The following CA10 variants were observed in gnomAD, a reference collection of about 807,000 sequenced individuals.
The protein encoded by CA10 is carbonic anhydrase 10 (inactive).
CA10 carries 14 observed loss-of-function variants against 44.2 expected under a neutral mutation model. The observed-to-expected ratio is 0.32, with a 90% CI of 0.21 to 0.50. The LOEUF (loss-of-function observed/expected upper bound fraction) is 0.50, where lower values mean the gene tolerates loss of function less well. CA10 is among the 20% of genes least tolerant of loss of function. The pLI is 0.99. For synonymous variants in CA10, 159 were observed against 141.6 expected (o/e 1.12, Z -0.87); for missense variants, 350 against 409.7 (o/e 0.85, Z 1.26).
At chr17:52,159,602 C>T (rs2143439004), upstream of CA10, 1 of 152,498 alleles carries the variant, frequency 6.6e-6, no homozygotes. Context: ...CCCCACCAAA[C>T]CCGCGCGCGC....
intron 3 of CA10, among the ~76,000 whole-genome samples, chr17:51,899,410 T>C (rs80158100): frequency 0.098 from 14,946 of 152,070 alleles, 921 homozygotes; most frequent in African/African-American, 0.18. Flanking sequence ...TGCACTGGGG[T>C]ATGAGAGTGT....
chr17:51,827,274 C>G (rs1908047270), intron 3 of CA10, among the ~76,000 whole-genome samples: 1 of 152,100 alleles, frequency 6.6e-6, no homozygotes, highest in African/African-American at 2.4e-5. Context: ...ATCTGCAGGA[C>G]TTCTCAGAGC....
intron 2 of CA10, among the ~76,000 whole-genome samples, chr17:52,021,495 C>G (rs1436525561): frequency 6.6e-6 from 1 of 151,866 alleles, no homozygotes; most frequent in African/African-American, 2.4e-5. Flanking sequence ...TTTTAATAGC[C>G]ATTCTGACTT....
chr17:52,028,695 C>G (rs1158440138), intron 2 of CA10, among the ~76,000 whole-genome samples: 1 of 152,166 alleles, frequency 6.6e-6, no homozygotes, highest in Non-Finnish European at 1.5e-5. Flanking sequence ...CCATACTCAG[C>G]TATGAGCCAG....
chr17:52,039,563 A>G (rs987547173), intron 2 of CA10, among the ~76,000 whole-genome samples: 1 of 152,104 alleles, frequency 6.6e-6, no homozygotes, highest in African/African-American at 2.4e-5. Context: ...TGGGTTTTAA[A>G]TTACCTTTAG....
In CA10 at chr17:51,791,434, T is replaced by A. The variant is rs114410081; in HGVS notation, c.280-43616A>T. Among the ~76,000 whole-genome samples, 368 of 152,332 alleles carry A rather than the reference T, an allele frequency of 2.4e-3. 2 individuals carry two copies. The highest frequency in any genetic ancestry group is 8.1e-3 in the African/African-American group (338 of 41,574). The stretch of plus-strand genomic sequence containing the variant: ...GGAATGCAGAGTGCCTGGTGCACAG[T>A]GGGTGTTCAACTAATGTTTGTTAAA... On this transcript the variant is annotated intron_variant, in intron 3 of 8. Coordinates refer to ENST00000451037, the MANE Select transcript of CA10 (RefSeq NM_020178.5).
chr17:52,047,656 GATAA>G (rs1268241543), intron 2 of CA10, among the ~76,000 whole-genome samples: 4 of 151,816 alleles, frequency 2.6e-5, no homozygotes, highest in South Asian at 2.1e-4. Flanking sequence ...ATCATCCAGA[GATAA>G]ATACTTATTT....
At chr17:51,672,801 A>G (rs990184949) in intron 4 of CA10, among the ~76,000 whole-genome samples, 5 of 152,196 alleles carry the variant, frequency 3.3e-5, no homozygotes, top group Admixed American at 6.5e-5. Context: ...TGAATTGAAC[A>G]TAAATGAATT....
chr17:51,632,608 G>A (rs900581468), intron 8 of CA10, among the ~76,000 whole-genome samples: 4 of 152,130 alleles, frequency 2.6e-5, no homozygotes, highest in Non-Finnish European at 5.9e-5. Context: ...AAACTGTGAA[G>A]TAGATGGCAT....
chr17:52,077,363 C>A (rs904553073), intron 1 of CA10, among the ~76,000 whole-genome samples: 1 of 152,044 alleles, frequency 6.6e-6, no homozygotes, highest in Non-Finnish European at 1.5e-5. Context: ...AAACAGAGGT[C>A]AGCAAATTTT....
intron 3 of CA10, among the ~76,000 whole-genome samples, chr17:51,897,509 G>C (rs1254238443): frequency 6.6e-6 from 1 of 152,100 alleles, no homozygotes; most frequent in Non-Finnish European, 1.5e-5. Context: ...AATGCCTGCA[G>C]CTTTGTTCTT....
chr17:51,890,109 A>G (rs1344175286), intron 3 of CA10, among the ~76,000 whole-genome samples: 1 of 152,216 alleles, frequency 6.6e-6, no homozygotes, highest in African/African-American at 2.4e-5. Flanking sequence ...CATTCCATTA[A>G]TGTGCCAATG....
chr17:52,044,590 C>T (rs1395899133), intron 2 of CA10, among the ~76,000 whole-genome samples: 1 of 152,070 alleles, frequency 6.6e-6, no homozygotes, highest in Non-Finnish European at 1.5e-5. Flanking sequence ...AGGTGTGAGC[C>T]ACAGCACCCA....
chr17:51,978,758 G>A (rs967006720), intron 2 of CA10, among the ~76,000 whole-genome samples: 2 of 151,940 alleles, frequency 1.3e-5, no homozygotes, highest in African/African-American at 4.8e-5. Flanking sequence ...GTTGCTCCAT[G>A]GTTGCCTGAA....
At chr17:51,672,977 C>T (rs1914481435) in intron 4 of CA10, among the ~76,000 whole-genome samples, 2 of 152,124 alleles carry the variant, frequency 1.3e-5, no homozygotes, top group Admixed American at 1.3e-4. Context: ...CAAGGCATGC[C>T]CAAGAAATGG....
intron 3 of CA10, among the ~76,000 whole-genome samples, chr17:51,815,782 A>AGTGTGT (rs149094529): frequency 1.3e-4 from 19 of 150,494 alleles, no homozygotes; most frequent in Admixed American, 2.0e-4. Flanking sequence ...GCAGGTACAC[A>AGTGTGT]GTGTGTGTGT....
intron 2 of CA10, among the ~76,000 whole-genome samples, chr17:52,063,647 C>A (rs1987453376): frequency 6.6e-6 from 1 of 152,166 alleles, no homozygotes; most frequent in African/African-American, 2.4e-5. Flanking sequence ...ACCATGTGAT[C>A]TTTGTACATG....
intron 3 of CA10, among the ~76,000 whole-genome samples, chr17:51,785,864 G>A (rs186281080): frequency 6.6e-6 from 1 of 152,184 alleles, no homozygotes; most frequent in East Asian, 1.9e-4. Flanking sequence ...ATTTTAATAG[G>A]GATCACATTG....
intron 2 of CA10, among the ~76,000 whole-genome samples, chr17:51,997,692 TTGTG>T (rs764746822): frequency 2.0e-5 from 3 of 152,040 alleles, no homozygotes; most frequent in Non-Finnish European, 4.4e-5. Flanking sequence ...ATGTTGATTT[TTGTG>T]TGTGTGTATG....
Sources: gnomAD v4.1 joint callset for allele counts (sites outside exome capture counted in the v4.1 genomes callset) on GRCh38, gnomAD v4.1.1 for gene constraint, MANE v1.5 for transcripts, NCBI Gene and HGNC (gene_info 2026-07-23, HGNC 2026-07-21) for gene names.